The following CWC27 variants were observed in gnomAD, a reference collection of about 807,000 sequenced individuals.
The protein encoded by CWC27 is CWC27 spliceosome associated cyclophilin, also known as spliceosome-associated protein CWC27 homolog.
Under a neutral mutation model 63.6 loss-of-function variants are expected in CWC27, and 47 were observed. The ratio of observed to expected loss-of-function variants is 0.74; its 90% CI spans 0.58 to 0.94. The LOEUF is 0.94. CWC27 is among the 40% of genes least tolerant of loss of function. The pLI is 0.00. For synonymous variants in CWC27, 175 were observed against 179.8 expected (o/e 0.97, Z 0.22); for missense variants, 495 against 554.3 (o/e 0.89, Z 1.07).
At chr5:64,905,647 A>C (rs904817822) in intron 11 of CWC27, among the ~76,000 whole-genome samples, 1 of 152,182 alleles carries the variant, frequency 6.6e-6, no homozygotes, top group Admixed American at 6.5e-5. Context: ...TGAAAAGTCT[A>C]AAGAACATTG....
At chr5:64,953,773 G>A (rs935009170) in intron 11 of CWC27, among the ~76,000 whole-genome samples, 11 of 152,060 alleles carry the variant, frequency 7.2e-5, no homozygotes, top group African/African-American at 2.7e-4. Flanking sequence ...GCCTTGATGA[G>A]CATTATATTT....
At chr5:64,914,709 T>A (rs1470112064) in intron 11 of CWC27, among the ~76,000 whole-genome samples, 1 of 152,134 alleles carries the variant, frequency 6.6e-6, no homozygotes, top group Non-Finnish European at 1.5e-5. Flanking sequence ...GTAGACATTT[T>A]CTGCCACAGT....
chr5:64,958,896 C>G (rs1233236530), intron 11 of CWC27, among the ~76,000 whole-genome samples: 3 of 152,096 alleles, frequency 2.0e-5, no homozygotes, highest in Non-Finnish European at 4.4e-5. Flanking sequence ...TTGAGGCATA[C>G]TTTAATGTTC....
chr5:64,940,855 T>G (rs1164837836), intron 11 of CWC27, among the ~76,000 whole-genome samples: 1 of 143,210 alleles, frequency 7.0e-6, no homozygotes, highest in East Asian at 2.0e-4. Flanking sequence ...TTTTTTTTTT[T>G]TTTTTTTTTT....
At chr5:64,845,786 A>G (rs1322704697) in intron 10 of CWC27, among the ~76,000 whole-genome samples, 9 of 152,228 alleles carry the variant, frequency 5.9e-5, no homozygotes, top group Admixed American at 5.2e-4. Context: ...TTGCAAAAGA[A>G]GAAAGAGAAA....
intron 13 of CWC27, among the ~76,000 whole-genome samples, chr5:64,982,791 G>A (rs1393132964): frequency 1.3e-5 from 2 of 152,178 alleles, no homozygotes; most frequent in East Asian, 3.8e-4. Context: ...CTTTACACCA[G>A]GGGTCCCCAA....
At chr5:64,940,211 G>A (rs1048762255) in intron 11 of CWC27, among the ~76,000 whole-genome samples, 2 of 152,156 alleles carry the variant, frequency 1.3e-5, no homozygotes, top group East Asian at 1.9e-4. Context: ...CAGCTACCCA[G>A]TCTTGTGCTT....
chr5:64,963,237 C>G (rs1748953261), intron 11 of CWC27, among the ~76,000 whole-genome samples: 1 of 152,050 alleles, frequency 6.6e-6, no homozygotes, highest in Non-Finnish European at 1.5e-5. Context: ...GCTCAGATTA[C>G]AGGCATGAGC....
At chr5:64,769,796 A>C (rs1743176857) in intron 1 of CWC27, among the ~76,000 whole-genome samples, 1 of 152,216 alleles carries the variant, frequency 6.6e-6, no homozygotes, top group Non-Finnish European at 1.5e-5. Context: ...AGCTGGTTTT[A>C]AAACCTGAGA....
intron 5 of CWC27, 69 bp from the exon 6 acceptor site, chr5:64,786,455 C>A (rs1462206920): frequency 1.1e-6 from 1 of 879,546 alleles, no homozygotes; most frequent in Non-Finnish European, 1.7e-6. Flanking sequence ...ACTGGAATTA[C>A]ATACGGGGTT....
chr5:64,769,335 C>T lies in CWC27; in HGVS notation c.42+147C>T. ...TTACTCCTGCATGTGGACAATGTTGCATCGAAACACTGATGTTGGTACTTT... is the reference window on the plus strand; with the variant it reads ...TTACTCCTGCATGTGGACAATGTTGTATCGAAACACTGATGTTGGTACTTT... On this transcript the variant is annotated intron_variant, in intron 1 of 13. Coordinates refer to ENST00000381070, the MANE Select transcript of CWC27 (RefSeq NM_005869.4). 2.1e-5 allele frequency: 15 copies of T among 705,950 alleles called. No homozygotes were observed. In the South Asian group the frequency reaches 2.4e-4, roughly 11 times the overall value. 43.7% of individuals were successfully genotyped at this position (705,950 alleles called of 1,614,324 possible).
intron 6 of CWC27, among the ~76,000 whole-genome samples, 181 bp downstream of exon 6, chr5:64,786,808 G>T (rs1743902732): frequency 6.6e-6 from 1 of 152,092 alleles, no homozygotes; most frequent in South Asian, 2.1e-4. Flanking sequence ...ATAAAGACAT[G>T]CCTGAGACTG....
chr5:64,908,664 T>C (rs1305166784), intron 11 of CWC27, among the ~76,000 whole-genome samples: 2 of 152,214 alleles, frequency 1.3e-5, no homozygotes, highest in African/African-American at 4.8e-5. Context: ...TTTTGATCTT[T>C]GTTGGTTTAA....
chr5:64,807,615 C>T, intron 10 of CWC27: 1 of 1,534,830 alleles, frequency 6.5e-7, no homozygotes, highest in Non-Finnish European at 8.7e-7. Context: ...TTCTCTATGC[C>T]TGTATCTTGA....
chr5:64,864,053 C>T (rs1746479192), intron 10 of CWC27, among the ~76,000 whole-genome samples: 1 of 152,094 alleles, frequency 6.6e-6, no homozygotes, highest in African/African-American at 2.4e-5. Flanking sequence ...AGATATGCTT[C>T]CTGTAGAAAA....
chr5:64,892,236 G>A (rs757408340), intron 11 of CWC27, among the ~76,000 whole-genome samples: 34 of 152,188 alleles, frequency 2.2e-4, no homozygotes, highest in Non-Finnish European at 4.9e-4. Context: ...AGAGCCTTTA[G>A]CTATATTTTT....
chr5:64,999,142 G>T (rs1749688328), intron 13 of CWC27, among the ~76,000 whole-genome samples: 1 of 151,488 alleles, frequency 6.6e-6, no homozygotes, highest in African/African-American at 2.4e-5. Flanking sequence ...GAGTTACTGT[G>T]ATCTCTACTA....
At chr5:64,803,576 G>T (rs776398139) in intron 9 of CWC27, among the ~76,000 whole-genome samples, 6 of 152,162 alleles carry the variant, frequency 3.9e-5, no homozygotes, top group South Asian at 2.1e-4. Flanking sequence ...CACCAAGAGG[G>T]TAACATTTGA....
At chr5:64,800,755 A>G (rs1162666060) in intron 8 of CWC27, among the ~76,000 whole-genome samples, 1 of 152,186 alleles carries the variant, frequency 6.6e-6, no homozygotes, top group African/African-American at 2.4e-5. Context: ...AAATTCTCAC[A>G]TACTTTGAGG....
Sources: allele counts gnomAD v4.1 joint callset (sites outside exome capture counted in the v4.1 genomes callset), GRCh38; gene constraint gnomAD v4.1.1; transcripts MANE v1.5; gene names NCBI Gene and HGNC (gene_info 2026-07-23, HGNC 2026-07-21).